The following URB1 variants were observed in gnomAD, a reference collection of about 807,000 sequenced individuals.
URB1 encodes URB1 ribosome biogenesis factor.
In URB1, 197 loss-of-function variants were observed where a neutral mutation model predicts 242.3. The observed-to-expected ratio is 0.81, with a 90% CI of 0.72 to 0.91. The LOEUF is 0.91. URB1 is among the 40% of genes least tolerant of loss of function. The pLI is 0.00. For synonymous variants in URB1, 1,153 were observed against 1,201.8 expected (o/e 0.96, Z 0.84); for missense variants, 2,721 against 2,860.5 (o/e 0.95, Z 1.11).
Position 32,366,648 on chromosome 21 carries a change from G to A in URB1, c.1305C>T (p.Cys435=), listed in dbSNP as rs970117418. 3.2e-6 allele frequency: 5 copies of A among 1,551,350 alleles called. No homozygotes were observed. The African/African-American group carries it at 5.5e-5, about 17-fold the overall frequency. Residue 435 remains cysteine, a synonymous_variant, in exon 10 of 39, where the codon TGC becomes TGT. Transcript: ENST00000382751. ...MVMVTTVPLV[C]NKSMFTQALN... Reference sequence around the variant, plus strand: ...ATGCTTGGGTGAACATGCTCTTATTGCACACCAGGGGCACGGTGGTCACCA... The same window carrying A: ...ATGCTTGGGTGAACATGCTCTTATTACACACCAGGGGCACGGTGGTCACCA...
intron 30 of URB1, among the ~76,000 whole-genome samples, chr21:32,329,770 C>CAAT (rs1449545068): frequency 1.3e-5 from 2 of 152,110 alleles, no homozygotes; most frequent in African/African-American, 4.8e-5. Context: ...GTTAGTTTAG[C>CAAT]AATATCTGGA....
At chr21:32,337,283 C>T in intron 27 of URB1, 121 bp downstream of exon 27, 2 of 1,336,994 alleles carry the variant, frequency 1.5e-6, no homozygotes, top group Non-Finnish European at 2.1e-6. Flanking sequence ...CCTGCTTGCA[C>T]CGCCTGGTCT....
At chr21:32,350,980 G>A (rs2033151123) in intron 19 of URB1, 58 bp from the exon 20 acceptor site, 3 of 1,490,906 alleles carry the variant, frequency 2.0e-6, no homozygotes, top group East Asian at 2.5e-5. Flanking sequence ...AGATGAAAAC[G>A]GTCATAGGCA....
chr21:32,366,345 C>G (rs2033346261), intron 10 of URB1, among the ~76,000 whole-genome samples: 1 of 152,164 alleles, frequency 6.6e-6, no homozygotes, highest in Non-Finnish European at 1.5e-5. Context: ...TGGAGGGATG[C>G]AGGGGTCCCT....
At chr21:32,386,552 A>T (rs2033585577) in intron 1 of URB1, among the ~76,000 whole-genome samples, 1 of 152,204 alleles carries the variant, frequency 6.6e-6, no homozygotes, top group Non-Finnish European at 1.5e-5. Flanking sequence ...CTTAGAAACC[A>T]TGAAGGCAAT....
At chr21:32,331,285 A>T (rs1055409959) in intron 30 of URB1, among the ~76,000 whole-genome samples, 24 of 152,222 alleles carry the variant, frequency 1.6e-4, no homozygotes, top group Non-Finnish European at 2.9e-5. Context: ...GAGGTAGGGC[A>T]GGAAGTGCAT....
intron 4 of URB1, among the ~76,000 whole-genome samples, chr21:32,379,903 C>T (rs989362505): frequency 5.3e-5 from 8 of 151,388 alleles, no homozygotes; most frequent in African/African-American, 1.7e-4. Flanking sequence ...GACTTAAGCC[C>T]GGGAGGCAGA....
At chr21:32,345,304 T>C in intron 23 of URB1, 70 bp downstream of exon 23, 1 of 1,488,272 alleles carries the variant, frequency 6.7e-7, no homozygotes, top group Non-Finnish European at 9.1e-7. Flanking sequence ...TTTCAATGAC[T>C]TACTCTATGA....
chr21:32,347,947 A>C, intron 21 of URB1, 136 bp from the exon 22 acceptor site: 4 of 1,360,994 alleles, frequency 2.9e-6, no homozygotes, highest in Non-Finnish European at 3.9e-6. Flanking sequence ...TTCCATCCTC[A>C]AGCCTACATT....
At chr21:32,351,008 A>C in intron 19 of URB1, 86 bp from the exon 20 acceptor site, 2 of 1,334,692 alleles carry the variant, frequency 1.5e-6, no homozygotes, top group Non-Finnish European at 2.0e-6. Flanking sequence ...CACACAACAA[A>C]CGGACATTTC....
intron 7 of URB1, among the ~76,000 whole-genome samples, chr21:32,373,196 G>A (rs2033424272): frequency 6.6e-6 from 1 of 152,140 alleles, no homozygotes; most frequent in African/African-American, 2.4e-5. Flanking sequence ...AATTATATAT[G>A]TCAGTAGGTG....
chr21:32,351,026 A>C (rs1385412211), intron 19 of URB1, 104 bp from the exon 20 acceptor site: 2 of 1,206,816 alleles, frequency 1.7e-6, no homozygotes, highest in Non-Finnish European at 2.3e-6. Flanking sequence ...TTCACAAAGA[A>C]GCACATGCTG....
In URB1 at chr21:32,338,852, T is replaced by C. The variant is rs2032995298; in HGVS notation, c.4365A>G (p.Val1455=). 1.3e-6 allele frequency: 2 copies of C among 1,551,550 alleles called. No individual in the cohort carries two copies. The highest frequency in any genetic ancestry group is 1.7e-6 in the Non-Finnish European group (2 of 1,146,838). Residue 1455 remains valine, a synonymous_variant, in exon 26 of 39, where the codon GTA becomes GTG. Transcript: ENST00000382751. Reference sequence around the variant, plus strand: ...AGCTTTCTGGGCTGTACAGGAGCTGTACGGCGGTGAGGAGCATCTTTAAAA... The same window carrying C: ...AGCTTTCTGGGCTGTACAGGAGCTGCACGGCGGTGAGGAGCATCTTTAAAA... ...HTFLKMLLTA[V]QLLYSPESSV...
chr21:32,311,516 G>A lies in URB1; in HGVS notation c.*3402C>T. 1 of 923,774 alleles carries A rather than the reference G, an allele frequency of 1.1e-6. No homozygotes were observed. The highest frequency in any genetic ancestry group is 1.8e-5 in the South Asian group (1 of 54,400). 57.2% of individuals were successfully genotyped at this position (923,774 alleles called of 1,614,324 possible). On this transcript the variant is annotated 3_prime_UTR_variant, in exon 39 of 39. Transcript: ENST00000382751. ...CTTCCTCTCCTCTGAGATTTCTCTA[G>A]AATGGCCACCTTTGTGAGCTGGCTG... is the stretch of plus-strand genomic sequence containing the variant.
rs762913980 is a variant in URB1, at chr21:32,333,401, A to G, written c.4876T>C (p.Phe1626Leu). 4.5e-6 allele frequency: 7 copies of G among 1,551,562 alleles called. No individual in the cohort carries two copies. The highest frequency in any genetic ancestry group is 2.4e-5 in the East Asian group (1 of 40,918). Residue 1626 changes from phenylalanine (F) to leucine (L), a missense_variant, in exon 30 of 39, where the codon TTC becomes CTC. Physicochemically the swap from Phe to Leu is conservative, Grantham distance 22 (BLOSUM62 0). Coordinates refer to ENST00000382751, the MANE Select transcript of URB1 (RefSeq NM_014825.3). ...LPPEDTQELI[F>L]KDKSRVDLDG... is the part of the protein sequence containing the mutation. ...AGATCCACCCTGCTTTTGTCTTTGA[A>G]TATCAGCTCCTGTGTGTCCTGAAAG...
intron 11 of URB1, 111 bp from the exon 12 acceptor site, chr21:32,362,132 A>T: frequency 7.3e-7 from 1 of 1,360,580 alleles, no homozygotes; most frequent in Non-Finnish European, 9.9e-7. Context: ...GCGAGTCTAG[A>T]GGAGTGCGTG....
intron 22 of URB1, 52 bp downstream of exon 22, chr21:32,346,904 T>C: frequency 6.9e-7 from 1 of 1,458,658 alleles, no homozygotes; most frequent in African/African-American, 1.4e-5. Flanking sequence ...GTTCACCTTC[T>C]TAGCCCGTGC....
intron 26 of URB1, among the ~76,000 whole-genome samples, chr21:32,338,405 C>G (rs568924819): frequency 6.6e-6 from 1 of 152,116 alleles, no homozygotes; most frequent in Non-Finnish European, 1.5e-5. Context: ...TTTTCCCACG[C>G]GTGACTTCCC....
At position 32,333,324 on chromosome 21, in the gene URB1, G is replaced by C. The variant is rs533918286; in HGVS notation, c.4953C>G (p.Thr1651=). The C allele has an allele frequency of 4.5e-6, 7 of 1,551,796 alleles. No homozygotes were observed. The African/African-American group carries it at 9.6e-5, about 21-fold the overall frequency. The change falls in exon 30 of 39, where the codon ACC becomes ACG. Residue 1651 remains threonine, a synonymous_variant. Coordinates refer to ENST00000382751, the MANE Select transcript of URB1 (RefSeq NM_014825.3). ...AGAGAAGACTGCAGTTACCTGGCCT[G>C]GTCAGCTCACTGAAGAGCTGAAGGA... ...CFLLQLFSEL[T]RPEFVVDCRK... is the part of the protein sequence containing the mutation.
Sources: gnomAD v4.1 joint callset for allele counts (sites outside exome capture counted in the v4.1 genomes callset) on GRCh38, gnomAD v4.1.1 for gene constraint, MANE v1.5 for transcripts, NCBI Gene and HGNC (gene_info 2026-07-23, HGNC 2026-07-21) for gene names.